The following KALRN variants were observed in gnomAD, a reference collection of about 807,000 sequenced individuals.
The protein encoded by KALRN is kalirin RhoGEF kinase.
In KALRN, 70 loss-of-function variants were observed where a neutral mutation model predicts 353.7. That is an observed-to-expected ratio of 0.20 (90% confidence interval 0.16 to 0.24). The LOEUF (loss-of-function observed/expected upper bound fraction) is 0.24, where lower values mean the gene tolerates loss of function less well. KALRN is among the 10% of genes least tolerant of loss of function. The pLI, the probability that KALRN is intolerant of heterozygous loss-of-function variation, is 1.00. For synonymous variants in KALRN, 1,391 were observed against 1,434.8 expected (o/e 0.97, Z 0.69); for missense variants, 2,791 against 3,756.7 (o/e 0.74, Z 6.72).
At chr3:124,331,111 G>C (rs144754449) in intron 8 of KALRN, among the ~76,000 whole-genome samples, 54 of 152,280 alleles carry the variant, frequency 3.5e-4, no homozygotes, top group African/African-American at 1.1e-3. Context: ...TTTCATCTGT[G>C]AAATCAAAGT....
At chr3:124,709,100 AAGAC>A (rs1329317485) in intron 57 of KALRN, among the ~76,000 whole-genome samples, 2 of 152,018 alleles carry the variant, frequency 1.3e-5, no homozygotes, top group Non-Finnish European at 2.9e-5. Context: ...TTTAAAATGA[AAGAC>A]AGAAATCAAA....
At chr3:124,175,604 C>T (rs151104054) in intron 1 of KALRN, among the ~76,000 whole-genome samples, 3,658 of 151,644 alleles carry the variant, frequency 0.024, 135 homozygotes, top group African/African-American at 0.084. Context: ...TGCGCGCTGC[C>T]GAGTGTCCAG....
chr3:124,499,194 T>A (rs528218417), intron 33 of KALRN, among the ~76,000 whole-genome samples: 1 of 152,244 alleles, frequency 6.6e-6, no homozygotes, highest in South Asian at 2.1e-4. Context: ...ACACACCAAC[T>A]TGGGGAGCTG....
intron 23 of KALRN, 25 bp downstream of exon 23, chr3:124,456,753 A>G: frequency 6.4e-7 from 1 of 1,550,414 alleles, no homozygotes; most frequent in Non-Finnish European, 8.9e-7. Flanking sequence ...CCGCCCAGCT[A>G]GCTGGCTCCC....
chr3:124,256,578 G>A (rs905192768), intron 3 of KALRN, among the ~76,000 whole-genome samples: 6 of 152,148 alleles, frequency 3.9e-5, no homozygotes, highest in Non-Finnish European at 8.8e-5. Flanking sequence ...GCTAAATTGT[G>A]ATCTCTGCTA....
intron 33 of KALRN, among the ~76,000 whole-genome samples, chr3:124,511,049 C>G (rs1392417051): frequency 6.6e-6 from 1 of 152,058 alleles, no homozygotes; most frequent in African/African-American, 2.4e-5. Flanking sequence ...TCTGGAAATG[C>G]CCACTGCTCT....
At chr3:124,396,929 G>T (rs2090238587) in intron 12 of KALRN, among the ~76,000 whole-genome samples, 1 of 152,212 alleles carries the variant, frequency 6.6e-6, no homozygotes, top group Non-Finnish European at 1.5e-5. Flanking sequence ...AAGAGAAAAA[G>T]AAGTAAATGG....
At chr3:124,289,659 T>C (rs556838548) in intron 5 of KALRN, among the ~76,000 whole-genome samples, 1 of 152,344 alleles carries the variant, frequency 6.6e-6, no homozygotes, top group South Asian at 2.1e-4. Context: ...AAACAGGAAC[T>C]TGCATGGGAT....
chr3:124,718,975 C>T lies in KALRN; in HGVS notation c.8466C>T (p.Leu2822=). ...GGATTCCAGTGCCTCGAGTGAAGCT[C>T]ATTGACTTGGAGGATGCTGTCCAGA... ...DLRIPVPRVK[L]IDLEDAVQIS... The change falls in exon 60 of 60, where the codon CTC becomes CTT. Residue 2822 remains leucine, a synonymous_variant. Coordinates refer to ENST00000682506, the MANE Select transcript of KALRN (RefSeq NM_001388419.1). 1 of 1,614,238 alleles carries T rather than the reference C, an allele frequency of 6.2e-7. No individual in the cohort carries two copies. The highest frequency in any genetic ancestry group is 8.5e-7 in the Non-Finnish European group (1 of 1,180,052).
rs1376519206 is a variant in KALRN, at chr3:124,384,354, G to T, written c.1771-491G>T. Reference sequence around the variant, plus strand: ...AGTTGCTGATCCCTTCCCCTCCAAAGAAATAGCTCTGTTCCAAAAAGATAA... The same window carrying T: ...AGTTGCTGATCCCTTCCCCTCCAAATAAATAGCTCTGTTCCAAAAAGATAA... On this transcript the variant is annotated intron_variant, in intron 10 of 59. Transcript: ENST00000682506. Among the ~76,000 whole-genome samples, 5 of 152,140 alleles carry T rather than the reference G, an allele frequency of 3.3e-5. No individual in the cohort carries two copies. The East Asian group carries it at 7.7e-4, about 23-fold the overall frequency.
intron 1 of KALRN, among the ~76,000 whole-genome samples, chr3:124,044,537 C>G (rs2040248248): frequency 6.6e-6 from 1 of 151,120 alleles, no homozygotes; most frequent in African/African-American, 2.4e-5. Context: ...TCACTTGAAC[C>G]CAGGAGGTGG....
intron 34 of KALRN, among the ~76,000 whole-genome samples, chr3:124,606,921 C>G (rs900319208): frequency 6.6e-6 from 1 of 152,182 alleles, no homozygotes; most frequent in Non-Finnish European, 1.5e-5. Flanking sequence ...ATGTTTCACC[C>G]TTCAGATTGG....
chr3:124,603,178 G>A (rs1025990380), intron 34 of KALRN, among the ~76,000 whole-genome samples: 1 of 152,204 alleles, frequency 6.6e-6, no homozygotes, highest in East Asian at 1.9e-4. Context: ...AAATAGCAGA[G>A]GCCTGGAAAT....
chr3:124,037,318 G>A (rs1403789880), intron 1 of KALRN, among the ~76,000 whole-genome samples: 4 of 152,162 alleles, frequency 2.6e-5, no homozygotes, highest in South Asian at 2.1e-4. Flanking sequence ...GTGGAACTTC[G>A]GGTGGTCCTT....
intron 1 of KALRN, among the ~76,000 whole-genome samples, chr3:124,173,724 T>G (rs2072237406): frequency 6.6e-6 from 1 of 152,206 alleles, no homozygotes; most frequent in Admixed American, 6.5e-5. Flanking sequence ...CAAGCGATTC[T>G]TCTGCCTCAG....
At chr3:124,316,554 T>C (rs895582717) in intron 6 of KALRN, among the ~76,000 whole-genome samples, 4 of 152,210 alleles carry the variant, frequency 2.6e-5, no homozygotes, top group African/African-American at 9.6e-5. Context: ...CTCACGGCCT[T>C]TGCCCCTGCT....
intron 14 of KALRN, among the ~76,000 whole-genome samples, chr3:124,420,845 G>C (rs1327923357): frequency 6.6e-6 from 1 of 152,148 alleles, no homozygotes; most frequent in Non-Finnish European, 1.5e-5. Flanking sequence ...TATGTTGCAG[G>C]TGTGTTGGTG....
At chr3:124,644,207 A>T (rs1578601340) in intron 37 of KALRN, among the ~76,000 whole-genome samples, 1 of 89,616 alleles carries the variant, frequency 1.1e-5, no homozygotes, top group Non-Finnish European at 2.2e-5. Context: ...TTGACCTTTT[A>T]AAAAAATATT....
chr3:124,285,144 T>C (rs2075712083), intron 5 of KALRN, among the ~76,000 whole-genome samples: 1 of 152,154 alleles, frequency 6.6e-6, no homozygotes, highest in Non-Finnish European at 1.5e-5. Flanking sequence ...TGCCCAATCC[T>C]GAACATGTAA....
Sources: allele counts gnomAD v4.1 joint callset (sites outside exome capture counted in the v4.1 genomes callset), GRCh38; gene constraint gnomAD v4.1.1; transcripts MANE v1.5; gene names NCBI Gene and HGNC (gene_info 2026-07-23, HGNC 2026-07-21).